Variants in TTC28 observed in about 807,000 individuals in gnomAD.
TTC28 encodes tetratricopeptide repeat domain 28.
In TTC28, 61 loss-of-function variants were observed where a neutral mutation model predicts 198.0. The ratio of observed to expected loss-of-function variants is 0.31; its 90% CI spans 0.25 to 0.38. The LOEUF is 0.38. Among genes scored for constraint, TTC28 ranks in the 10% least tolerant of loss-of-function variants. The pLI is 1.00. For missense variants in TTC28, 2,678 were observed against 3,164.0 expected, an observed-to-expected ratio of 0.85 and a Z score of 3.69; for synonymous variants, 1,171 against 1,297.8, an observed-to-expected ratio of 0.90 and a Z score of 2.10.
intron 5 of TTC28, among the ~76,000 whole-genome samples, chr22:28,199,228 A>C (rs1925660999): frequency 6.6e-6 from 1 of 151,876 alleles, no homozygotes; most frequent in South Asian, 2.1e-4. Flanking sequence ...CTGACTGACT[A>C]AAATATTGAA....
intron 21 of TTC28, chr22:27,986,239 A>G (rs1306226026): frequency 6.6e-6 from 1 of 152,110 alleles, no homozygotes; most frequent in Non-Finnish European, 1.5e-5. Context: ...GTTGTTTGAT[A>G]AGTGTCTGGC....
intron 2 of TTC28, among the ~76,000 whole-genome samples, chr22:28,441,577 A>T (rs1004123668): frequency 6.6e-6 from 1 of 152,240 alleles, no homozygotes; most frequent in South Asian, 2.1e-4. Context: ...TCAATTAGAT[A>T]TCAAAGAAAA....
At chr22:28,211,368 G>C (rs550183610) in intron 5 of TTC28, among the ~76,000 whole-genome samples, 1 of 152,112 alleles carries the variant, frequency 6.6e-6, no homozygotes, top group Admixed American at 6.6e-5. Flanking sequence ...ACCCATCAGT[G>C]TGCTGTATTC....
At chr22:28,464,502 T>C (rs901194836) in intron 2 of TTC28, among the ~76,000 whole-genome samples, 1 of 152,204 alleles carries the variant, frequency 6.6e-6, no homozygotes, top group Non-Finnish European at 1.5e-5. Context: ...ATATCTTTTA[T>C]GATTTCTTGA....
At chr22:28,629,313 A>G (rs879421494) in intron 2 of TTC28, 31 of 473,746 alleles carry the variant, frequency 6.5e-5, no homozygotes, top group Non-Finnish European at 5.9e-5. Flanking sequence ...AGATAAAAAA[A>G]AATTTAAATC....
chr22:28,559,252 A>G (rs915948461), intron 2 of TTC28, among the ~76,000 whole-genome samples: 2 of 152,198 alleles, frequency 1.3e-5, no homozygotes, highest in Non-Finnish European at 2.9e-5. Context: ...CCAAAATGTC[A>G]GTTAAAATGT....
At chr22:28,410,671 C>T (rs181496105) in intron 2 of TTC28, among the ~76,000 whole-genome samples, 52 of 152,048 alleles carry the variant, frequency 3.4e-4, no homozygotes, top group African/African-American at 1.2e-3. Context: ...TTGAAAGGAG[C>T]CCAAGAGAGA....
At position 28,475,210 on chromosome 22, in the gene TTC28, G is replaced by A. The variant is rs2048147806; in HGVS notation, c.381+154342C>T. ...AAGAAAGAAAGATTAATAAAAACAA[G>A]TAAGATAATTATTTAGCTGTTTATT... On this transcript the variant is annotated intron_variant, in intron 2 of 22. Coordinates refer to ENST00000397906, the MANE Select transcript of TTC28 (RefSeq NM_001145418.2). 2.0e-5 allele frequency among the ~76,000 whole-genome samples: 3 copies of A among 147,944 alleles called. No homozygotes were observed. In the South Asian group the frequency reaches 6.6e-4, roughly 32 times the overall value.
chr22:28,412,346 C>T, intron 2 of TTC28, among the ~76,000 whole-genome samples: 2 of 152,020 alleles, frequency 1.3e-5, no homozygotes, highest in African/African-American at 2.4e-5. Flanking sequence ...GCATCCTCCA[C>T]TATGTGGCGG....
At chr22:28,315,187 G>A (rs1243173189) in intron 2 of TTC28, among the ~76,000 whole-genome samples, 1 of 152,168 alleles carries the variant, frequency 6.6e-6, no homozygotes, top group Non-Finnish European at 1.5e-5. Context: ...TCAAGTTTAA[G>A]ACTCTCAACA....
intron 2 of TTC28, among the ~76,000 whole-genome samples, chr22:28,459,239 A>C (rs780410109): frequency 9.9e-5 from 15 of 152,090 alleles, no homozygotes; most frequent in Admixed American, 2.0e-4. Context: ...CCAGCCTGGG[A>C]AACATGGTGA....
chr22:28,592,448 C>T (rs1325027612), intron 2 of TTC28, among the ~76,000 whole-genome samples: 3 of 151,412 alleles, frequency 2.0e-5, no homozygotes, highest in Non-Finnish European at 4.4e-5. Context: ...GCCAGTAGTT[C>T]GAGACCAGCC....
intron 12 of TTC28, among the ~76,000 whole-genome samples, chr22:28,060,420 A>G (rs1940476430): frequency 6.6e-6 from 1 of 152,218 alleles, no homozygotes; most frequent in African/African-American, 2.4e-5. Context: ...TACAAAGGAC[A>G]TGAACTCATC....
intron 2 of TTC28, among the ~76,000 whole-genome samples, chr22:28,317,560 G>C (rs2045372260): frequency 6.6e-6 from 1 of 152,116 alleles, no homozygotes; most frequent in African/African-American, 2.4e-5. Flanking sequence ...GAGAACTGGA[G>C]AGTAGCCTAT....
intron 5 of TTC28, among the ~76,000 whole-genome samples, chr22:28,240,749 T>C (rs1929602067): frequency 6.6e-6 from 1 of 152,090 alleles, no homozygotes; most frequent in African/African-American, 2.4e-5. Context: ...CCGGAACATC[T>C]TGCTGCACCA....
At chr22:28,253,948 T>C (rs908680613) in intron 5 of TTC28, among the ~76,000 whole-genome samples, 2 of 151,844 alleles carry the variant, frequency 1.3e-5, no homozygotes, top group Admixed American at 6.6e-5. Context: ...CTACTAAAAA[T>C]ACAAAAATTA....
In TTC28 at chr22:28,107,584, G is replaced by C. The variant is rs1424743168; in HGVS notation, c.2261C>G (p.Ala754Gly). 23 of 1,551,610 alleles carry C rather than the reference G, an allele frequency of 1.5e-5. No homozygotes were observed. The highest frequency in any genetic ancestry group is 2.0e-5 in the Non-Finnish European group (23 of 1,147,020). Residue 754 changes from alanine to glycine, a missense_variant, in exon 7 of 23, where the codon GCC becomes GGC. This residue lies in a region of TTC28 where 775 missense variants were observed against 845.9 expected (regional missense o/e 0.92). Transcript: ENST00000397906. ...AHQVKDRRLE[A>G]SAYAALGTAY... Reference sequence around the variant, plus strand: ...AGTGCCCAGGGCTGCATATGCACTGGCTTCTAATCTTCTGTCCTTTACCTG... The same window carrying C: ...AGTGCCCAGGGCTGCATATGCACTGCCTTCTAATCTTCTGTCCTTTACCTG...
At chr22:28,083,077 T>G (rs1941425675) in intron 12 of TTC28, among the ~76,000 whole-genome samples, 2 of 152,144 alleles carry the variant, frequency 1.3e-5, no homozygotes, top group Admixed American at 1.3e-4. Flanking sequence ...ATTCATTTTT[T>G]TTTTTTTTTG....
chr22:28,679,259 C>G (rs1432513242), intron 1 of TTC28, among the ~76,000 whole-genome samples: 1 of 152,220 alleles, frequency 6.6e-6, no homozygotes, highest in Non-Finnish European at 1.5e-5. Flanking sequence ...CCGCGGGTGC[C>G]GCTTACCGCT....
Sources: gnomAD v4.1 joint callset for allele counts (sites outside exome capture counted in the v4.1 genomes callset) on GRCh38, gnomAD v4.1.1 for gene constraint, gnomAD v4.1.1 regional missense constraint, MANE v1.5 for transcripts, NCBI Gene and HGNC (gene_info 2026-07-23, HGNC 2026-07-21) for gene names.